The following PDE1C variants were observed in gnomAD, a reference collection of about 807,000 sequenced individuals.
PDE1C encodes the protein dual specificity calcium/calmodulin-dependent 3',5'-cyclic nucleotide phosphodiesterase 1C.
In PDE1C, 62 loss-of-function variants were observed where a neutral mutation model predicts 93.1. The observed-to-expected ratio is 0.67, with a 90% CI of 0.54 to 0.82. The LOEUF (loss-of-function observed/expected upper bound fraction) is 0.82, where lower values mean the gene tolerates loss of function less well. Among genes scored for constraint, PDE1C ranks in the 40% least tolerant of loss-of-function variants. The probability of loss-of-function intolerance (pLI) is 0.00; values close to 1 mark genes in which losing one functional copy is unlikely to be tolerated. For synonymous variants in PDE1C, 325 were observed against 310.1 expected, an observed-to-expected ratio of 1.05 and a Z score of -0.50; for missense variants, 742 against 884.6, an observed-to-expected ratio of 0.84 and a Z score of 2.04.
chr7:32,043,499 T>C (rs1351342485), intron 2 of PDE1C, among the ~76,000 whole-genome samples: 2 of 152,148 alleles, frequency 1.3e-5, no homozygotes, highest in Non-Finnish European at 2.9e-5. Flanking sequence ...CTAAGAAACT[T>C]ACTCTCAAAA....
At chr7:31,625,768 T>C in the PDE1C span, among the ~76,000 whole-genome samples, 1 of 151,694 alleles carries the variant, frequency 6.6e-6, no homozygotes, top group African/African-American at 2.4e-5. Context: ...ACTTAAAGTA[T>C]AATTAAAAAA....
chr7:31,977,236 G>A (rs1033240934), intron 2 of PDE1C, among the ~76,000 whole-genome samples: 1 of 152,134 alleles, frequency 6.6e-6, no homozygotes, highest in Non-Finnish European at 1.5e-5. Context: ...AAGGGACTAA[G>A]AAGAGGAAGA....
the PDE1C span, among the ~76,000 whole-genome samples, chr7:31,617,499 T>TA: frequency 1.3e-4 from 19 of 150,694 alleles, no homozygotes; most frequent in East Asian, 1.8e-3. Flanking sequence ...CTGCTTTTTG[T>TA]AAAAAACAGA....
intron 1 of PDE1C, among the ~76,000 whole-genome samples, chr7:32,293,965 A>G (rs1812486990): frequency 6.6e-6 from 1 of 152,088 alleles, no homozygotes; most frequent in Non-Finnish European, 1.5e-5. Context: ...GAAAGTCGTC[A>G]ACCATATGCC....
At chr7:32,035,689 A>C (rs1410736226) in intron 2 of PDE1C, among the ~76,000 whole-genome samples, 1 of 152,196 alleles carries the variant, frequency 6.6e-6, no homozygotes, top group African/African-American at 2.4e-5. Context: ...TGCTCATTAA[A>C]TGAGTTGCCA....
At chr7:31,805,687 G>C (rs888917421) in intron 16 of PDE1C, among the ~76,000 whole-genome samples, 2 of 150,724 alleles carry the variant, frequency 1.3e-5, no homozygotes, top group African/African-American at 4.9e-5. Flanking sequence ...CAGAACTCTA[G>C]AGTTTATCTC....
the PDE1C span, among the ~76,000 whole-genome samples, chr7:31,683,869 T>G: frequency 1.3e-5 from 2 of 152,228 alleles, no homozygotes; most frequent in African/African-American, 4.8e-5. Flanking sequence ...GTGATTAAAG[T>G]GAAATATATT....
intron 3 of PDE1C, among the ~76,000 whole-genome samples, chr7:32,089,054 C>T (rs529101446): frequency 1.2e-4 from 18 of 152,178 alleles, no homozygotes; most frequent in African/African-American, 1.7e-4. Context: ...AGCTCTCAAA[C>T]GCCATGTGTG....
intron 3 of PDE1C, among the ~76,000 whole-genome samples, chr7:32,119,135 A>G (rs1163010402): frequency 6.6e-6 from 1 of 152,154 alleles, no homozygotes; most frequent in Non-Finnish European, 1.5e-5. Flanking sequence ...CACATCAATC[A>G]TGGATATCCT....
intron 2 of PDE1C, among the ~76,000 whole-genome samples, chr7:32,205,788 C>A (rs1160815137): frequency 6.6e-6 from 1 of 152,116 alleles, no homozygotes; most frequent in African/African-American, 2.4e-5. Flanking sequence ...AAAACAACTC[C>A]AGACATGCCA....
the PDE1C span, among the ~76,000 whole-genome samples, chr7:31,654,332 C>G: frequency 2.0e-5 from 3 of 151,986 alleles, no homozygotes; most frequent in African/African-American, 7.2e-5. Flanking sequence ...CTGCTCAGTG[C>G]GGTGGGGCAT....
chr7:32,133,444 C>A, intron 3 of PDE1C, among the ~76,000 whole-genome samples: 1 of 152,106 alleles, frequency 6.6e-6, no homozygotes, highest in East Asian at 1.9e-4. Flanking sequence ...AGTGAAGACA[C>A]AAATAGAAAG....
chr7:31,761,453 A>G (rs567739875), intron 17 of PDE1C, among the ~76,000 whole-genome samples: 1 of 152,308 alleles, frequency 6.6e-6, no homozygotes, highest in African/African-American at 2.4e-5. Context: ...CTCAGGAAGT[A>G]ACTACATTAA....
At chr7:32,092,468 G>A (rs1797523465) in intron 3 of PDE1C, among the ~76,000 whole-genome samples, 1 of 152,180 alleles carries the variant, frequency 6.6e-6, no homozygotes, top group Non-Finnish European at 1.5e-5. Context: ...CCAAGATTGA[G>A]AGGCCAGGGC....
intron 1 of PDE1C, among the ~76,000 whole-genome samples, chr7:32,310,609 T>C (rs867018795): frequency 6.6e-6 from 1 of 152,076 alleles, no homozygotes; most frequent in Non-Finnish European, 1.5e-5. Flanking sequence ...CACTCAAAAC[T>C]GCTCAACTAC....
chr7:31,917,135 G>A lies in PDE1C; in HGVS notation c.129-36275C>T, dbSNP rs148349960. On this transcript the variant is annotated intron_variant, in intron 2 of 17. Coordinates refer to ENST00000396191, the MANE Select transcript of PDE1C (RefSeq NM_001191057.4). ...TCCAGCCACAGGTAGAGAGACACCC[G>A]CCTATAGGTAAATGGTCCCAATCCT... is the stretch of plus-strand genomic sequence containing the variant. Among the ~76,000 whole-genome samples, 478 of 152,162 alleles carry A rather than the reference G, an allele frequency of 3.1e-3. 1 individual carries two copies. The highest frequency in any genetic ancestry group is 0.011 in the African/African-American group (444 of 41,518).
intron 1 of PDE1C, among the ~76,000 whole-genome samples, chr7:32,420,583 T>C (rs886078145): frequency 6.7e-6 from 1 of 150,276 alleles, no homozygotes; most frequent in African/African-American, 2.4e-5. Flanking sequence ...GTAATAATAG[T>C]GCTTGTCTTA....
chr7:32,148,770 C>G (rs2128788279), intron 3 of PDE1C, among the ~76,000 whole-genome samples: 1 of 152,206 alleles, frequency 6.6e-6, no homozygotes, highest in Admixed American at 6.5e-5. Context: ...AGTTATTACT[C>G]TATAAATGTG....
chr7:31,696,926 T>C, the PDE1C span: 1 of 1,603,320 alleles, frequency 6.2e-7, no homozygotes, highest in Non-Finnish European at 8.5e-7. Context: ...GATATATGTA[T>C]TTGATCCTGT....
Sources: allele counts gnomAD v4.1 joint callset (sites outside exome capture counted in the v4.1 genomes callset), GRCh38; gene constraint gnomAD v4.1.1; transcripts MANE v1.5; gene names NCBI Gene and HGNC (gene_info 2026-07-23, HGNC 2026-07-21).